TUSC3: variants seen among roughly 807,000 people sequenced by gnomAD.
TUSC3 encodes dolichyl-diphosphooligosaccharide--protein glycosyltransferase subunit TUSC3.
Under a neutral mutation model 44.8 loss-of-function variants are expected in TUSC3, and 45 were observed. That is an observed-to-expected ratio of 1.00 (90% CI 0.79 to 1.29). TUSC3 has a LOEUF of 1.29. Among genes scored for constraint, TUSC3 ranks in the 50% most tolerant of loss-of-function variants. The probability of loss-of-function intolerance (pLI) is 0.00; values close to 1 mark genes in which losing one functional copy is unlikely to be tolerated. For synonymous variants in TUSC3, 212 were observed against 152.9 expected (o/e 1.39, Z -2.85); for missense variants, 519 against 437.9 (o/e 1.19, Z -1.65).
intron 2 of TUSC3, among the ~76,000 whole-genome samples, chr8:15,638,515 CTTTTTTTTTTTT>C (rs547743726): frequency 8.6e-5 from 7 of 81,108 alleles, no homozygotes; most frequent in African/African-American, 2.5e-4. Context: ...TTCTTTTTTT[CTTTTTTTTTTTT>C]TTTTTTTTTT....
chr8:15,839,891 G>T, the TUSC3 span, among the ~76,000 whole-genome samples: 2 of 152,110 alleles, frequency 1.3e-5, no homozygotes, highest in Non-Finnish European at 2.9e-5. Context: ...ATACCCAAAG[G>T]GTTATAAATC....
intron 1 of TUSC3, among the ~76,000 whole-genome samples, chr8:15,591,210 A>C (rs1244745990): frequency 6.6e-6 from 1 of 152,110 alleles, no homozygotes; most frequent in Non-Finnish European, 1.5e-5. Flanking sequence ...TTTTCAGCTT[A>C]ATCATTTGGG....
intron 6 of TUSC3, among the ~76,000 whole-genome samples, chr8:15,695,305 A>G (rs1809112716): frequency 6.6e-6 from 1 of 152,160 alleles, no homozygotes; most frequent in African/African-American, 2.4e-5. Context: ...GATAGTGAAT[A>G]AGTCTTATGA....
At chr8:15,636,544 G>C (rs996953392) in intron 2 of TUSC3, among the ~76,000 whole-genome samples, 1 of 152,174 alleles carries the variant, frequency 6.6e-6, no homozygotes, top group African/African-American at 2.4e-5. Flanking sequence ...ACTGGCGTTG[G>C]TACATGGAAG....
the TUSC3 span, among the ~76,000 whole-genome samples, chr8:15,819,956 G>C: frequency 6.6e-6 from 1 of 152,100 alleles, no homozygotes; most frequent in Non-Finnish European, 1.5e-5. Flanking sequence ...CATATCCCCA[G>C]ATTAAAGGCA....
At chr8:15,480,757 G>A (rs952735819) in intron 1 of TUSC3, among the ~76,000 whole-genome samples, 14 of 152,274 alleles carry the variant, frequency 9.2e-5, no homozygotes, top group African/African-American at 3.4e-4. Context: ...CAGATCAGAT[G>A]AGAGCTATTA....
the TUSC3 span, among the ~76,000 whole-genome samples, chr8:15,829,534 T>C: frequency 6.6e-6 from 1 of 150,750 alleles, no homozygotes; most frequent in East Asian, 2.0e-4. Context: ...CTTTGTGATA[T>C]AAGTTGCAAA....
chr8:15,526,080 T>A (rs1380507909), intron 2 of TUSC3, among the ~76,000 whole-genome samples: 1 of 152,016 alleles, frequency 6.6e-6, no homozygotes, highest in African/African-American at 2.4e-5. Context: ...TCGTCCAGGC[T>A]GGAGTGCAGT....
chr8:15,704,507 C>T (rs1473245604), intron 6 of TUSC3, among the ~76,000 whole-genome samples: 1 of 152,004 alleles, frequency 6.6e-6, no homozygotes. Context: ...TTTTAAAAAT[C>T]ACTTATTTTT....
At chr8:15,550,710 C>T (rs904107216) in intron 1 of TUSC3, among the ~76,000 whole-genome samples, 39 of 151,582 alleles carry the variant, frequency 2.6e-4, no homozygotes, top group Non-Finnish European at 4.6e-4. Flanking sequence ...CTCTCACTGT[C>T]ACCCAGGTTG....
intron 1 of TUSC3, among the ~76,000 whole-genome samples, chr8:15,610,279 T>G (rs985001107): frequency 2.0e-5 from 3 of 152,184 alleles, no homozygotes; most frequent in Admixed American, 2.0e-4. Context: ...GCAAAATATT[T>G]CAGTATACTG....
intron 7 of TUSC3, among the ~76,000 whole-genome samples, chr8:15,740,005 G>C (rs1174802342): frequency 2.6e-5 from 4 of 152,096 alleles, no homozygotes; most frequent in African/African-American, 9.7e-5. Context: ...TGCCCTTTTG[G>C]AGCTAAAATT....
At chr8:15,782,095 A>C in the TUSC3 span, among the ~76,000 whole-genome samples, 3 of 152,356 alleles carry the variant, frequency 2.0e-5, no homozygotes, top group African/African-American at 7.2e-5. Flanking sequence ...AGATCGTGCC[A>C]CTGCACTCCA....
chr8:15,722,737 AT>A (rs1810348509), intron 6 of TUSC3, among the ~76,000 whole-genome samples: 1 of 151,972 alleles, frequency 6.6e-6, no homozygotes, highest in South Asian at 2.1e-4. Flanking sequence ...CCAATGGAAA[AT>A]TTTTGTTAAA....
intron 6 of TUSC3, among the ~76,000 whole-genome samples, chr8:15,691,310 G>C (rs891034448): frequency 1.3e-5 from 2 of 152,004 alleles, no homozygotes; most frequent in Non-Finnish European, 2.9e-5. Context: ...CTTTCACCTT[G>C]GATGTTTTTG....
the TUSC3 span, among the ~76,000 whole-genome samples, chr8:15,798,649 T>TC: frequency 6.8e-6 from 1 of 147,156 alleles, no homozygotes. Context: ...CCTGGGTGTG[T>TC]GGGGGGGGTC....
intron 2 of TUSC3, among the ~76,000 whole-genome samples, chr8:15,533,787 T>G (rs1801482363): frequency 6.6e-6 from 1 of 152,188 alleles, no homozygotes; most frequent in African/African-American, 2.4e-5. Flanking sequence ...TTGAGAAGTT[T>G]ACTGAGGGGT....
At chr8:15,681,592 C>T (rs941654641) in intron 6 of TUSC3, among the ~76,000 whole-genome samples, 3 of 145,444 alleles carry the variant, frequency 2.1e-5, no homozygotes, top group Non-Finnish European at 3.0e-5. Context: ...AGTAGTCTTT[C>T]GATCTTGTTT....
intron 1 of TUSC3, among the ~76,000 whole-genome samples, chr8:15,618,538 G>A (rs1328257637): frequency 1.3e-5 from 2 of 152,104 alleles, no homozygotes; most frequent in African/African-American, 2.4e-5. Flanking sequence ...CCACTGGGGG[G>A]TCTTCAGGTG....
Sources: allele counts gnomAD v4.1 joint callset (sites outside exome capture counted in the v4.1 genomes callset), GRCh38; gene constraint gnomAD v4.1.1; transcripts MANE v1.5; gene names NCBI Gene and HGNC (gene_info 2026-07-23, HGNC 2026-07-21).